ARHGEF12: variants seen among roughly 807,000 people sequenced by gnomAD.
ARHGEF12 encodes the protein Rho guanine nucleotide exchange factor 12.
Under a neutral mutation model 211.2 loss-of-function variants are expected in ARHGEF12, and 66 were observed. That is an observed-to-expected ratio of 0.31 (90% CI 0.26 to 0.38). The LOEUF (loss-of-function observed/expected upper bound fraction) is 0.38. ARHGEF12 is among the 10% of genes least tolerant of loss of function. ARHGEF12 has a pLI of 1.00. For missense variants in ARHGEF12, 1,429 were observed against 1,869.5 expected, an observed-to-expected ratio of 0.76 and a Z score of 4.34; for synonymous variants, 592 against 638.4, an observed-to-expected ratio of 0.93 and a Z score of 1.09.
intron 1 of ARHGEF12, among the ~76,000 whole-genome samples, chr11:120,371,536 T>G (rs1391777391): frequency 1.3e-5 from 2 of 152,156 alleles, no homozygotes; most frequent in African/African-American, 2.4e-5. Context: ...TACATAAACT[T>G]ATTATTTTGA....
intron 16 of ARHGEF12, 35 bp from the exon 17 acceptor site, chr11:120,446,368 A>C: frequency 6.5e-7 from 1 of 1,534,966 alleles, no homozygotes; most frequent in Non-Finnish European, 8.9e-7. Flanking sequence ...CCCAGAACAT[A>C]CCTTTAGATA....
chr11:120,487,478 G>T lies in ARHGEF12; in HGVS notation c.*2401G>T. On this transcript the variant is annotated 3_prime_UTR_variant, in exon 41 of 41. Coordinates refer to ENST00000397843, the MANE Select transcript of ARHGEF12 (RefSeq NM_015313.3). ...TCCCTCCCAACTTGGCCTCCCACAC[G>T]TTCCATTTCATTTTGGCCATTATAG... The T allele has an allele frequency of 4.6e-6, 1 of 216,206 alleles. No individual in the cohort carries two copies. The highest frequency in any genetic ancestry group is 9.3e-6 in the Non-Finnish European group (1 of 107,550). The allele number at this position is 216,206 out of a possible 1,614,324, so 13.4% of individuals were successfully genotyped here. A position where few individuals can be genotyped will look rare whatever the true frequency, so the allele number is the denominator to read the frequency against.
At chr11:120,482,796 A>G (rs939163855) in intron 39 of ARHGEF12, among the ~76,000 whole-genome samples, 16 of 152,074 alleles carry the variant, frequency 1.1e-4, no homozygotes, top group Non-Finnish European at 1.6e-4. Flanking sequence ...CAGAGCCCAA[A>G]CATTTTCCTC....
At position 120,475,511 on chromosome 11, in the gene ARHGEF12, A is replaced by T; in HGVS notation, c.3277+4A>T. On this transcript the variant is annotated splice_donor_region_variant and intron_variant, in intron 33 of 40. Transcript: ENST00000397843. Reference sequence around the variant, plus strand: ...TTGGTTCGACAAGTGGCAACAGGCAAGTATGTCCACTGAAGGATACTAATT... The same window carrying T: ...TTGGTTCGACAAGTGGCAACAGGCATGTATGTCCACTGAAGGATACTAATT... 6.2e-7 allele frequency: 1 copy of T among 1,613,540 alleles called. No individual in the cohort carries two copies. Among genetic ancestry groups the T allele is most frequent in the Non-Finnish European group, 8.5e-7 (1 of 1,179,646 alleles).
Position 120,485,133 on chromosome 11 carries a change from C to G in ARHGEF12, c.*56C>G. On this transcript the variant is annotated 3_prime_UTR_variant, in exon 41 of 41. Transcript: ENST00000397843. Reference sequence around the variant, plus strand: ...GTTGGATTTGGAGTATCGGCCGTGTCTCACCACATCCTGGCTCCAGTGTGG... The same window carrying G: ...GTTGGATTTGGAGTATCGGCCGTGTGTCACCACATCCTGGCTCCAGTGTGG... The G allele has an allele frequency of 1.9e-6, 3 of 1,605,774 alleles. No individual in the cohort carries two copies. The South Asian group carries it at 3.3e-5, about 18-fold the overall frequency.
At chr11:120,352,958 A>G (rs990094627) in intron 1 of ARHGEF12, among the ~76,000 whole-genome samples, 1 of 152,090 alleles carries the variant, frequency 6.6e-6, no homozygotes, top group Non-Finnish European at 1.5e-5. Flanking sequence ...CTTCCCACTC[A>G]CCTGGAATCC....
chr11:120,470,825 C>T (rs927385136), intron 30 of ARHGEF12, among the ~76,000 whole-genome samples: 4 of 152,136 alleles, frequency 2.6e-5, no homozygotes, highest in Admixed American at 6.5e-5. Context: ...AGAAATGAAC[C>T]ATATTAGAGT....
intron 1 of ARHGEF12, among the ~76,000 whole-genome samples, chr11:120,354,760 G>C (rs1350115008): frequency 1.3e-5 from 2 of 152,192 alleles, no homozygotes; most frequent in African/African-American, 4.8e-5. Context: ...TTTCTAGGTA[G>C]AGAAAGATTA....
chr11:120,436,084 A>G (rs1945685415), intron 11 of ARHGEF12, among the ~76,000 whole-genome samples: 2 of 152,110 alleles, frequency 1.3e-5, no homozygotes, highest in Admixed American at 6.5e-5. Context: ...ACAAACTCCA[A>G]AGGTGACAAG....
chr11:120,489,438 A>G lies in ARHGEF12; in HGVS notation c.*4361A>G, dbSNP rs566624437. On this transcript the variant is annotated 3_prime_UTR_variant, in exon 41 of 41. Transcript: ENST00000397843. ...AGCTTTTATGACGCACCTGAAGATA[A>G]CTTTGGTTTTAATCCTACCCTAAAT... The G allele has an allele frequency of 8.9e-6, 2 of 224,472 alleles. No individual in the cohort carries two copies. Among genetic ancestry groups the G allele is most frequent in the South Asian group, 3.7e-4 (2 of 5,452 alleles). 13.9% of individuals were successfully genotyped at this position (224,472 alleles called of 1,614,324 possible). A position where few individuals can be genotyped will look rare whatever the true frequency, so the allele number is the denominator to read the frequency against.
At chr11:120,452,369 A>G (rs1196214058) in intron 22 of ARHGEF12, among the ~76,000 whole-genome samples, 2 of 152,160 alleles carry the variant, frequency 1.3e-5, no homozygotes, top group South Asian at 2.1e-4. Flanking sequence ...ATCGTAGGTA[A>G]TTGGGCAAGG....
intron 36 of ARHGEF12, 23 bp downstream of exon 36, chr11:120,477,549 A>G (rs759554600): frequency 3.2e-5 from 51 of 1,593,506 alleles, no homozygotes; most frequent in Middle Eastern, 2.1e-4. Context: ...GAAGAGTTCA[A>G]TGGAGAATGT....
chr11:120,380,641 G>A (rs1943852658), intron 1 of ARHGEF12, among the ~76,000 whole-genome samples: 4 of 152,196 alleles, frequency 2.6e-5, no homozygotes, highest in Non-Finnish European at 5.9e-5. Flanking sequence ...CACTGGTGAT[G>A]TTAACCATGA....
At chr11:120,427,687 A>G (rs1255238179) in intron 7 of ARHGEF12, among the ~76,000 whole-genome samples, 2 of 151,908 alleles carry the variant, frequency 1.3e-5, no homozygotes, top group Non-Finnish European at 2.9e-5. Context: ...AAAAAAGAAG[A>G]TTTAAAAAAT....
chr11:120,369,438 G>A (rs949635544), intron 1 of ARHGEF12, among the ~76,000 whole-genome samples: 1 of 152,184 alleles, frequency 6.6e-6, no homozygotes, highest in Middle Eastern at 3.4e-3. Flanking sequence ...CAGATCTTTT[G>A]TTTTTAATTG....
At chr11:120,356,524 T>A (rs1943135529) in intron 1 of ARHGEF12, among the ~76,000 whole-genome samples, 1 of 152,188 alleles carries the variant, frequency 6.6e-6, no homozygotes, top group Non-Finnish European at 1.5e-5. Flanking sequence ...CAGCCTCCCC[T>A]TATCTTTTTG....
At chr11:120,337,377 C>T (rs1361368764) in intron 1 of ARHGEF12, 102 bp downstream of exon 1, 3 of 1,584,618 alleles carry the variant, frequency 1.9e-6, no homozygotes, top group Non-Finnish European at 2.6e-6. Context: ...AGTTGACAGG[C>T]AGAGGAAAGA....
Position 120,478,379 on chromosome 11 carries a change from A to G in ARHGEF12, c.3756A>G (p.Ala1252=), listed in dbSNP as rs767108819. 1 of 1,614,106 alleles carries G rather than the reference A, an allele frequency of 6.2e-7. No individual in the cohort carries two copies. The highest frequency in any genetic ancestry group is 1.7e-5 in the Admixed American group (1 of 60,034). ...PVSEERWALD[A]LRNLGLLKQL... ...CAGAAGAACGGTGGGCATTGGATGC[A>G]CTAAGAAATTGTAAGTTTTATTCAT... Residue 1252 remains alanine, a synonymous_variant, in exon 37 of 41, where the codon GCA becomes GCG. Coordinates refer to ENST00000397843, the MANE Select transcript of ARHGEF12 (RefSeq NM_015313.3).
At chr11:120,473,291 G>A (rs1946927548) in intron 31 of ARHGEF12, among the ~76,000 whole-genome samples, 164 bp downstream of exon 31, 1 of 152,114 alleles carries the variant, frequency 6.6e-6, no homozygotes, top group Non-Finnish European at 1.5e-5. Flanking sequence ...TGCTTGATCT[G>A]TATGAAATTA....
Sources: allele counts gnomAD v4.1 joint callset (sites outside exome capture counted in the v4.1 genomes callset), GRCh38; gene constraint gnomAD v4.1.1; transcripts MANE v1.5; gene names NCBI Gene and HGNC (gene_info 2026-07-23, HGNC 2026-07-21).